The following TTN variants were observed in gnomAD, a reference collection of about 807,000 sequenced individuals.
TTN encodes the protein titin.
In TTN, 1,525 loss-of-function variants were observed where a neutral mutation model predicts 3,223.0. The ratio of observed to expected loss-of-function variants is 0.47; its 90% CI spans 0.45 to 0.49. TTN has a LOEUF of 0.49. Among genes scored for constraint, TTN ranks in the 20% least tolerant of loss-of-function variants. The pLI is 0.00. For missense variants in TTN, 40,786 were observed against 43,424.0 expected (o/e 0.94, Z 5.40); for synonymous variants, 14,094 against 15,161.0 (o/e 0.93, Z 5.17).
chr2:178,612,313 C>A lies in TTN; in HGVS notation c.50212G>T (p.Glu16738Ter). The A allele has an allele frequency of 6.2e-7, 1 of 1,612,554 alleles. No homozygotes were observed. The highest frequency in any genetic ancestry group is 8.5e-7 in the Non-Finnish European group (1 of 1,179,176). ...ENAIGQSDYT[E>*]IEDSVLAKDT... ...TTGGCCAGCACAGAGTCCTCAATTT[C>A]GGTGTAGTCGCTTTGTCCTATAGCA... The change falls in exon 266 of 363, where the codon GAA (glutamate) becomes TAA (stop). Residue 16738 changes from glutamate to a stop codon, truncating the protein, a stop_gained. Transcript: ENST00000589042. LOFTEE classifies it high-confidence loss of function.
chr2:178,728,717 G>T lies in TTN; in HGVS notation c.19209C>A (p.Thr6403=). Residue 6403 remains threonine (T), a synonymous_variant, in exon 66 of 363, where the codon ACC becomes ACA. Coordinates refer to ENST00000589042, the MANE Select transcript of TTN (RefSeq NM_001267550.2). Reference sequence around the variant, plus strand: ...GTGTTCCAGCCACAACACATTCCAAGGTCATGGGATCTTTCTCCGTAACAT... The same window carrying T: ...GTGTTCCAGCCACAACACATTCCAATGTCATGGGATCTTTCTCCGTAACAT... ...SVDVTEKDPM[T]LECVVAGTPE... 6.2e-7 allele frequency: 1 copy of T among 1,611,786 alleles called. No homozygotes were observed. Among genetic ancestry groups the T allele is most frequent in the Non-Finnish European group, 8.5e-7 (1 of 1,178,178 alleles).
Position 178,553,268 on chromosome 2 carries a change from TCTC to T in TTN, c.89629_89631del (p.Glu29877del), listed in dbSNP as rs1372666742. 6.2e-7 allele frequency: 1 copy of T among 1,611,516 alleles called. No homozygotes were observed. Among genetic ancestry groups the T allele is most frequent in the African/African-American group, 1.3e-5 (1 of 74,946 alleles). On this transcript the variant is annotated inframe_deletion, in exon 335 of 363. Transcript: ENST00000589042. ...TATCTGGCATCACTGCCAAGATTCT[TCTC>T]ATCTTTTCTCCATGTGACAGTAGGT...
At position 178,573,301 on chromosome 2, in the gene TTN, A is replaced by AAG; in HGVS notation, c.72829_72830dup (p.Thr24278LeufsTer4). 1 of 1,582,374 alleles carries AAG rather than the reference A, an allele frequency of 6.3e-7. No homozygotes were observed. The highest frequency in any genetic ancestry group is 8.6e-7 in the Non-Finnish European group (1 of 1,163,998). On this transcript the variant is annotated frameshift_variant, in exon 326 of 363. Transcript: ENST00000589042. LOFTEE classifies it high-confidence loss of function. Reference sequence around the variant, plus strand: ...CAGACACTTTATATCTTAAATCAGTAAGAGTTTTTTTGTTGCATTTAATCC... The same window carrying AAG: ...CAGACACTTTATATCTTAAATCAGTAAGAGAGTTTTTTTGTTGCATTTAATCC...
chr2:178,688,935 C>T (rs561060405), intron 125 of TTN, 118 bp downstream of exon 125: 60 of 1,201,492 alleles, frequency 5.0e-5, no homozygotes, highest in Non-Finnish European at 6.7e-5. Context: ...AGTTTCACTG[C>T]AAGTGAGACA....
Position 178,561,177 on chromosome 2 carries a change from C to T in TTN, c.84955G>A (p.Glu28319Lys). 6.2e-7 allele frequency: 1 copy of T among 1,613,630 alleles called. No homozygotes were observed. The stretch of plus-strand genomic sequence containing the variant: ...ACCCGGAATTCATAACGCTGATCTT[C>T]AGTAAGTTCAGTTACTTCAAAGTAT... ...ETYFEVTELT[E>K]DQRYEFRVFA... The change falls in exon 326 of 363, where the codon GAA becomes AAA. Residue 28319 changes from glutamate to lysine, a missense_variant. Coordinates refer to ENST00000589042, the MANE Select transcript of TTN (RefSeq NM_001267550.2).
Position 178,542,318 on chromosome 2 carries a change from A to C in TTN, c.97438T>G (p.Phe32480Val). The change falls in exon 349 of 363, where the codon TTC becomes GTC. Residue 32480 changes from phenylalanine (F) to valine (V), a missense_variant. Physicochemically the swap from Phe to Val is conservative, Grantham distance 50 (BLOSUM62 -1). Coordinates refer to ENST00000589042, the MANE Select transcript of TTN (RefSeq NM_001267550.2). ...YVFRVAATNR[F>V]GIGSYLQSEV... is the part of the protein sequence containing the mutation. Reference sequence around the variant, plus strand: ...GACTGCAAGTAAGAGCCAATCCCGAAGCGGTTTGTTGCAGCCACACGGAAC... The same window carrying C: ...GACTGCAAGTAAGAGCCAATCCCGACGCGGTTTGTTGCAGCCACACGGAAC... The C allele has an allele frequency of 6.2e-7, 1 of 1,612,952 alleles. No individual in the cohort carries two copies. Among genetic ancestry groups the C allele is most frequent in the Non-Finnish European group, 8.5e-7 (1 of 1,179,464 alleles).
Position 178,585,125 on chromosome 2 carries a change from G to C in TTN, c.64619C>G (p.Thr21540Arg). Residue 21540 changes from threonine (T) to arginine (R), a missense_variant, in exon 309 of 363, where the codon ACA becomes AGA. Coordinates refer to ENST00000589042, the MANE Select transcript of TTN (RefSeq NM_001267550.2). ...GTCTGTCCCAGAACTGTTCTCTGCT[G>C]TGAGGCTGTAGTAACCACTGTCTTT... ...TRKDSGYYSLTAENSSGTDTQ... is the reference protein window; with the variant it reads ...TRKDSGYYSLRAENSSGTDTQ... 1 of 1,613,072 alleles carries C rather than the reference G, an allele frequency of 6.2e-7. No homozygotes were observed. Among genetic ancestry groups the C allele is most frequent in the South Asian group, 1.1e-5 (1 of 90,994 alleles).
Position 178,739,683 on chromosome 2 carries a change from T to A in TTN, c.13550A>T (p.Glu4517Val). Residue 4517 changes from glutamate to valine, a missense_variant, in exon 48 of 363, where the codon GAA becomes GTA. Transcript: ENST00000589042. ...MDSFSGSQKVEPITEPEVESK... is the reference protein window; with the variant it reads ...MDSFSGSQKVVPITEPEVESK... ...TTCAACTTCTGGTTCAGTAATGGGT[T>A]CAACCTTCTGTGAACCTGAAAAAGA... 2 of 1,613,940 alleles carry A rather than the reference T, an allele frequency of 1.2e-6. No individual in the cohort carries two copies. Among genetic ancestry groups the A allele is most frequent in the Non-Finnish European group, 1.7e-6 (2 of 1,179,836 alleles).
In TTN at chr2:178,717,231, G is replaced by C. The variant is rs758559820; in HGVS notation, c.25503C>G (p.Asn8501Lys). The part of the protein sequence containing the change: ...KDNREIRPGG[N>K]YKMTLVENTA... ...TATTTTCTACCAAAGTCATCTTGTA[G>C]TTGCCTCCAGGGCGAATCTCTCGGT... The change falls in exon 88 of 363, where the codon AAC becomes AAG. Residue 8501 changes from asparagine (N) to lysine (K), a missense_variant. Transcript: ENST00000589042. The C allele has an allele frequency of 5.0e-6, 8 of 1,613,668 alleles. No homozygotes were observed. In the South Asian group the frequency reaches 7.7e-5, roughly 16 times the overall value.
Position 178,580,341 on chromosome 2 carries a change from G to T in TTN, c.67038C>A (p.Thr22346=). 1 of 1,612,824 alleles carries T rather than the reference G, an allele frequency of 6.2e-7. No individual in the cohort carries two copies. The highest frequency in any genetic ancestry group is 1.1e-5 in the South Asian group (1 of 90,970). ...LENSCGKKEY[T]IVVKVLDTPG... The stretch of plus-strand genomic sequence containing the variant: ...ACTTACCAAGCACTTTCACAACAAT[G>T]GTATATTCCTTTTTACCACAGCTGT... Residue 22346 remains threonine (T), a synonymous_variant, in exon 317 of 363, where the codon ACC becomes ACA. Coordinates refer to ENST00000589042, the MANE Select transcript of TTN (RefSeq NM_001267550.2).
rs1274136681 is a variant in TTN, at chr2:178,547,452, T to C, written c.94174A>G (p.Ser31392Gly). Reference protein sequence around the residue: ...RVSSENRFGVSKPLESAPIIA... With the variant: ...RVSSENRFGVGKPLESAPIIA... ...ATTGGTGCTGATTCTAGAGGTTTGCTGACACCAAATCTGTTCTCTGAACTG... is the reference window on the plus strand; with the variant it reads ...ATTGGTGCTGATTCTAGAGGTTTGCCGACACCAAATCTGTTCTCTGAACTG... Residue 31392 changes from serine to glycine, a missense_variant, in exon 339 of 363, where the codon AGC becomes GGC. Ser to Gly is a moderately conservative substitution (Grantham distance 56). Transcript: ENST00000589042. The C allele has an allele frequency of 4.3e-6, 7 of 1,610,812 alleles. No homozygotes were observed. Among genetic ancestry groups the C allele is most frequent in the African/African-American group, 1.3e-5 (1 of 74,892 alleles).
At position 178,590,841 on chromosome 2, in the gene TTN, G is replaced by A. The variant is rs1208364622; in HGVS notation, c.60884C>T (p.Pro20295Leu). 6.2e-7 allele frequency: 1 copy of A among 1,607,286 alleles called. No individual in the cohort carries two copies. Among genetic ancestry groups the A allele is most frequent in the South Asian group, 1.1e-5 (1 of 90,950 alleles). Residue 20295 changes from proline (P) to leucine (L), a missense_variant, in exon 304 of 363, where the codon CCA becomes CTA. Pro to Leu is a moderately conservative substitution (Grantham distance 98). Transcript: ENST00000589042. Reference protein sequence around the residue: ...ENAATVSWTLPKSDGGSPITG... With the variant: ...ENAATVSWTLLKSDGGSPITG... ...TATTGGACTGCCACCATCAGATTTT[G>A]GCAGGGTCCAAGACACTGTTGCTGC...
At position 178,678,157 on chromosome 2, in the gene TTN, A is replaced by C. The variant is rs1374484429; in HGVS notation, c.33962T>G (p.Val11321Gly). Residue 11321 changes from valine to glycine, a missense_variant, in exon 145 of 363, where the codon GTT becomes GGT. Transcript: ENST00000589042. The part of the protein sequence containing the change: ...LIPEEKKPTP[V>G]PKKVEAPPPK... ...TGGTGGTGCTTCCACTTTTTTCGGA[A>C]CAGGTGTTGGTTTCTTTTCTTCTGG... 6.2e-7 allele frequency: 1 copy of C among 1,611,112 alleles called. No homozygotes were observed. Among genetic ancestry groups the C allele is most frequent in the Non-Finnish European group, 8.5e-7 (1 of 1,178,918 alleles).
intron 104 of TTN, 26 bp from the exon 105 acceptor site, chr2:178,704,803 AT>A (rs2075592723): frequency 6.2e-7 from 1 of 1,606,516 alleles, no homozygotes; most frequent in African/African-American, 1.3e-5. Context: ...ATTAAAACAC[AT>A]TTGTTACTCC....
At chr2:178,778,668 A>G in intron 24 of TTN, 1 of 644,380 alleles carries the variant, frequency 1.6e-6, no homozygotes, top group Non-Finnish European at 2.6e-6. Flanking sequence ...AGGAAAATAA[A>G]CAGTATGTTA....
Position 178,573,246 on chromosome 2 carries a change from T to C in TTN, c.72886A>G (p.Arg24296Gly). ...GLTEGHEYEF[R>G]IMAENAAGIS... ...CCAGCAGCATTTTCAGCCATAATCC[T>C]GAACTCATATTCATGTCCTTCTGTC... Residue 24296 changes from arginine to glycine, a missense_variant, in exon 326 of 363, where the codon AGG (arginine) becomes GGG (glycine). Transcript: ENST00000589042. 6.2e-7 allele frequency: 1 copy of C among 1,606,908 alleles called. No individual in the cohort carries two copies.
intron 294 of TTN, among the ~76,000 whole-genome samples, chr2:178,596,347 G>C (rs568922609): frequency 6.6e-6 from 1 of 152,134 alleles, no homozygotes; most frequent in African/African-American, 2.4e-5. Flanking sequence ...GGTTTTAGTA[G>C]AGGCTGAAGG....
rs1409719018 is a variant in TTN, at chr2:178,574,065, C to G, written c.72067G>C (p.Asp24023His). The G allele has an allele frequency of 6.2e-7, 1 of 1,613,406 alleles. No homozygotes were observed. Among genetic ancestry groups the G allele is most frequent in the South Asian group, 1.1e-5 (1 of 91,066 alleles). Residue 24023 changes from aspartate to histidine, a missense_variant, in exon 326 of 363, where the codon GAT becomes CAT. Transcript: ENST00000589042. ...EPSDAITCRD[D>H]VEAPKIKVDV... ...ACCTTTATCTTTGGTGCCTCAACAT[C>G]ATCCCTGCAAGTGATAGCATCAGAT...
At position 178,575,242 on chromosome 2, in the gene TTN, A is replaced by G. The variant is rs2154172099; in HGVS notation, c.70890T>C (p.Leu23630=). The change falls in exon 326 of 363, where the codon CTT becomes CTC. Residue 23630 remains leucine, a synonymous_variant. Coordinates refer to ENST00000589042, the MANE Select transcript of TTN (RefSeq NM_001267550.2). This position sits in a 1 kb window ranked among gnomAD's most constrained non-coding sequence, Gnocchi z 4.0. The part of the protein sequence containing the change: ...RPVIVKEQTM[L]PELDLRGIYQ... Reference sequence around the variant, plus strand: ...AGATGCCACGGAGATCCAGCTCTGGAAGCATTGTCTGCTCCTTGACAATGA... The same window carrying G: ...AGATGCCACGGAGATCCAGCTCTGGGAGCATTGTCTGCTCCTTGACAATGA... 1.9e-6 allele frequency: 3 copies of G among 1,613,176 alleles called. No homozygotes were observed. Among genetic ancestry groups the G allele is most frequent in the Non-Finnish European group, 2.5e-6 (3 of 1,179,546 alleles).
Sources: allele counts gnomAD v4.1 joint callset (sites outside exome capture counted in the v4.1 genomes callset), GRCh38; gene constraint gnomAD v4.1.1; non-coding constraint Gnocchi (gnomAD v3.1); transcripts MANE v1.5; gene names NCBI Gene and HGNC (gene_info 2026-07-23, HGNC 2026-07-21).